Variants in CDH13 observed in about 807,000 individuals in gnomAD.
CDH13 encodes cadherin 13, also known as cadherin-13.
In CDH13, 24 loss-of-function variants were observed where a neutral mutation model predicts 63.8. That is an observed-to-expected ratio of 0.38 (90% CI 0.27 to 0.53). The LOEUF (loss-of-function observed/expected upper bound fraction) is 0.53. Ranked by LOEUF, CDH13 falls within the 20% of genes least tolerant of loss-of-function variation. CDH13 has a pLI of 0.85. For missense variants in CDH13, 1,049 were observed against 903.1 expected (o/e 1.16, Z -2.07); for synonymous variants, 503 against 355.3 (o/e 1.42, Z -4.67).
intron 6 of CDH13, among the ~76,000 whole-genome samples, chr16:83,469,366 A>C (rs987746339): frequency 1.4e-4 from 21 of 152,216 alleles, no homozygotes; most frequent in Non-Finnish European, 2.4e-4. Context: ...CCTGAGGAAG[A>C]AAATATTTCA....
chr16:83,346,413 C>T (rs539543302), intron 6 of CDH13, among the ~76,000 whole-genome samples: 4 of 152,188 alleles, frequency 2.6e-5, no homozygotes, highest in Admixed American at 6.5e-5. Flanking sequence ...TTTGGAGAAC[C>T]AATGAGGAAA....
At chr16:83,724,171 G>A (rs1387550435) in intron 10 of CDH13, among the ~76,000 whole-genome samples, 7 of 150,840 alleles carry the variant, frequency 4.6e-5, no homozygotes, top group Non-Finnish European at 8.9e-5. Flanking sequence ...TGAATACATG[G>A]GTGAGTGATA....
chr16:83,221,055 A>G (rs1344058081), intron 5 of CDH13, among the ~76,000 whole-genome samples: 1 of 152,254 alleles, frequency 6.6e-6, no homozygotes, highest in African/African-American at 2.4e-5. Flanking sequence ...TCAAGGTCTC[A>G]CAGCTGGCAT....
In CDH13 at chr16:83,368,927, T is replaced by C. The variant is rs1315191809; in HGVS notation, c.781+23921T>C. Among the ~76,000 whole-genome samples, 10 of 74,670 alleles carry C rather than the reference T, an allele frequency of 1.3e-4. No homozygotes were observed. In the South Asian group the frequency reaches 2.6e-3, roughly 19 times the overall value. 49.0% of individuals were successfully genotyped at this position (74,670 alleles called of 152,430 possible). A position where few individuals can be genotyped will look rare whatever the true frequency, so the allele number is the denominator to read the frequency against. On this transcript the variant is annotated intron_variant, in intron 6 of 13. Transcript: ENST00000567109. ...ATATATATATATATATATATATATATATATATATATACTAGGTTTTTTTAA... is the reference window on the plus strand; with the variant it reads ...ATATATATATATATATATATATATACATATATATATACTAGGTTTTTTTAA...
intron 2 of CDH13, among the ~76,000 whole-genome samples, chr16:82,911,742 C>T (rs1030188485): frequency 2.6e-5 from 4 of 152,092 alleles, no homozygotes; most frequent in African/African-American, 9.7e-5. Flanking sequence ...TACTCAATGG[C>T]CATCCATTGT....
At chr16:83,325,621 T>C (rs1193474113) in intron 5 of CDH13, among the ~76,000 whole-genome samples, 1 of 152,208 alleles carries the variant, frequency 6.6e-6, no homozygotes, top group East Asian at 1.9e-4. Context: ...GCAGCCTCGA[T>C]GTGGCCTGTT....
At chr16:83,323,282 CT>C (rs60508230) in intron 5 of CDH13, among the ~76,000 whole-genome samples, 65 of 122,162 alleles carry the variant, frequency 5.3e-4, no homozygotes, top group African/African-American at 1.6e-3. Flanking sequence ...TTCTTTTTTT[CT>C]TTTTTTTTTA....
chr16:82,637,091 C>T (rs79736094), intron 1 of CDH13, among the ~76,000 whole-genome samples: 4,884 of 152,272 alleles, frequency 0.032, 149 homozygotes, highest in African/African-American at 0.081. Context: ...TGCAGATTAT[C>T]TAAATCATTA....
rs553415819 is a variant in CDH13, at chr16:83,021,584, G to C, written c.158-10426G>C. Among the ~76,000 whole-genome samples the C allele has an allele frequency of 2.2e-4, 33 of 152,342 alleles. No homozygotes were observed. In the South Asian group the frequency reaches 6.8e-3, roughly 32 times the overall value. ...GGTTACATGGCAAAAATAGGTTTCT[G>C]CTGAAGATTGTTGGACTGTATCATT... On this transcript the variant is annotated intron_variant, in intron 2 of 13. Coordinates refer to ENST00000567109, the MANE Select transcript of CDH13 (RefSeq NM_001257.5).
At chr16:82,975,998 G>A (rs771163250) in intron 2 of CDH13, among the ~76,000 whole-genome samples, 6 of 152,168 alleles carry the variant, frequency 3.9e-5, no homozygotes, top group Admixed American at 2.0e-4. Flanking sequence ...CATAAACGAC[G>A]GAAAACAGCA....
chr16:82,632,375 T>G (rs539766356), intron 1 of CDH13, among the ~76,000 whole-genome samples: 1 of 152,202 alleles, frequency 6.6e-6, no homozygotes, highest in Non-Finnish European at 1.5e-5. Flanking sequence ...CATTGATGTG[T>G]GCTTTGGAAC....
chr16:83,322,183 A>G (rs1490354549), intron 5 of CDH13, among the ~76,000 whole-genome samples: 2 of 152,220 alleles, frequency 1.3e-5, no homozygotes, highest in Non-Finnish European at 2.9e-5. Context: ...GCCTCCAGCT[A>G]CAGACACATT....
At chr16:83,273,248 CAG>C (rs947386605) in intron 5 of CDH13, among the ~76,000 whole-genome samples, 1 of 152,014 alleles carries the variant, frequency 6.6e-6, no homozygotes, top group African/African-American at 2.4e-5. Context: ...TTGCATGTCA[CAG>C]AGGTTTGGTG....
At position 82,660,788 on chromosome 16, in the gene CDH13, C is replaced by T. The variant is rs186838523; in HGVS notation, c.45+33651C>T. Reference sequence around the variant, plus strand: ...AGCATGGCGGGTGGTTTTCTTTCCCCCCTCGTTTTATTTAGACGTCTGCTG... The same window carrying T: ...AGCATGGCGGGTGGTTTTCTTTCCCTCCTCGTTTTATTTAGACGTCTGCTG... On this transcript the variant is annotated intron_variant, in intron 1 of 13. Coordinates refer to ENST00000567109, the MANE Select transcript of CDH13 (RefSeq NM_001257.5). Among the ~76,000 whole-genome samples the T allele has an allele frequency of 9.1e-4, 139 of 152,206 alleles. No individual in the cohort carries two copies. In the East Asian group the frequency reaches 0.016, roughly 18 times the overall value.
chr16:83,081,422 G>A (rs1567811272), intron 3 of CDH13, among the ~76,000 whole-genome samples: 1 of 152,234 alleles, frequency 6.6e-6, no homozygotes, highest in East Asian at 1.9e-4. Context: ...CCTAGAACAA[G>A]GATCATATTA....
At chr16:82,967,291 T>A (rs1907987210) in intron 2 of CDH13, among the ~76,000 whole-genome samples, 1 of 152,194 alleles carries the variant, frequency 6.6e-6, no homozygotes. Context: ...TCTTTCCTCT[T>A]ACATTTTCTC....
Position 82,658,527 on chromosome 16 carries a change from G to A in CDH13, c.45+31390G>A, listed in dbSNP as rs527916893. ...CAGTGGTTAAGACTGGAGTCAGGCTGCCTGGGTATAAATTGCACCTCCGTT... is the reference window on the plus strand; with the variant it reads ...CAGTGGTTAAGACTGGAGTCAGGCTACCTGGGTATAAATTGCACCTCCGTT... On this transcript the variant is annotated intron_variant, in intron 1 of 13. Transcript: ENST00000567109. Among the ~76,000 whole-genome samples the A allele has an allele frequency of 1.0e-3, 154 of 152,350 alleles. 2 individuals are homozygous for A. Among genetic ancestry groups the A allele is most frequent in the African/African-American group, 3.5e-3 (145 of 41,586 alleles).
chr16:83,318,949 G>A (rs1405739511), intron 5 of CDH13, among the ~76,000 whole-genome samples: 1 of 151,376 alleles, frequency 6.6e-6, no homozygotes, highest in Non-Finnish European at 1.5e-5. Context: ...AACAAAAAAA[G>A]CAAAAATATA....
At chr16:82,801,095 C>G (rs1367879220) in intron 1 of CDH13, among the ~76,000 whole-genome samples, 2 of 152,148 alleles carry the variant, frequency 1.3e-5, no homozygotes, top group Non-Finnish European at 2.9e-5. Context: ...TGCTTAGACT[C>G]TAGAAAATGT....
Sources: gnomAD v4.1 joint callset for allele counts (sites outside exome capture counted in the v4.1 genomes callset) on GRCh38, gnomAD v4.1.1 for gene constraint, MANE v1.5 for transcripts, NCBI Gene and HGNC (gene_info 2026-07-23, HGNC 2026-07-21) for gene names.